The following MLLT10 variants were observed in gnomAD, a reference collection of about 807,000 sequenced individuals.
MLLT10 encodes the protein protein AF-10.
In MLLT10, 30 loss-of-function variants were observed where a neutral mutation model predicts 129.1. The ratio of observed to expected loss-of-function variants is 0.23; its 90% CI spans 0.17 to 0.32. MLLT10 has a LOEUF of 0.32. MLLT10 is among the 10% of genes least tolerant of loss of function. The pLI is 1.00. For missense variants in MLLT10, 1,119 were observed against 1,268.3 expected (o/e 0.88, Z 1.79); for synonymous variants, 490 against 446.4 (o/e 1.10, Z -1.23).
chr10:21,652,426 T>C (rs1726873262), intron 9 of MLLT10, among the ~76,000 whole-genome samples: 1 of 152,152 alleles, frequency 6.6e-6, no homozygotes, highest in Non-Finnish European at 1.5e-5. Context: ...AATTATATCA[T>C]TTGTAAAGTG....
chr10:21,607,362 C>T (rs1467871890), intron 5 of MLLT10, among the ~76,000 whole-genome samples: 5 of 147,020 alleles, frequency 3.4e-5, no homozygotes, highest in African/African-American at 1.3e-4. Context: ...CTCTTGTTGC[C>T]CAGGCTGGAG....
chr10:21,592,879 A>G (rs1387236206), intron 4 of MLLT10, among the ~76,000 whole-genome samples: 1 of 152,162 alleles, frequency 6.6e-6, no homozygotes, highest in Non-Finnish European at 1.5e-5. Flanking sequence ...GGTATTATCA[A>G]TTCAGATAAT....
chr10:21,583,064 G>C (rs1310872111), intron 3 of MLLT10, among the ~76,000 whole-genome samples: 1 of 152,172 alleles, frequency 6.6e-6, no homozygotes, highest in Non-Finnish European at 1.5e-5. Flanking sequence ...CAGCTCCTTG[G>C]GAGGCTGAGG....
intron 13 of MLLT10, among the ~76,000 whole-genome samples, chr10:21,683,037 A>G (rs2052906401): frequency 6.6e-6 from 1 of 152,076 alleles, no homozygotes; most frequent in African/African-American, 2.4e-5. Flanking sequence ...TTTTCAATAC[A>G]TTTTCATTAA....
intron 3 of MLLT10, among the ~76,000 whole-genome samples, chr10:21,577,418 C>G (rs2040883533): frequency 6.7e-6 from 1 of 150,124 alleles, no homozygotes; most frequent in African/African-American, 2.5e-5. Context: ...GAAAAACTGA[C>G]AGAGGCTGTA....
At chr10:21,724,179 AAAAC>A (rs1264657043) in intron 14 of MLLT10, among the ~76,000 whole-genome samples, 2 of 152,270 alleles carry the variant, frequency 1.3e-5, no homozygotes, top group African/African-American at 2.4e-5. Context: ...AATAAGAGGA[AAAAC>A]AAAACCCAGA....
intron 2 of MLLT10, among the ~76,000 whole-genome samples, chr10:21,538,154 A>C (rs898124134): frequency 7.5e-6 from 1 of 132,756 alleles, no homozygotes; most frequent in South Asian, 2.4e-4. Context: ...TGCCCAGCTA[A>C]TTTTTTTTTT....
intron 13 of MLLT10, among the ~76,000 whole-genome samples, chr10:21,710,356 A>C (rs2055958670): frequency 6.6e-6 from 1 of 152,228 alleles, no homozygotes; most frequent in South Asian, 2.1e-4. Context: ...TGCCCTGTTC[A>C]GAGCTCTGGT....
intron 21 of MLLT10, chr10:21,738,470 A>G (rs752126656): frequency 2.6e-5 from 33 of 1,288,914 alleles, no homozygotes; most frequent in South Asian, 7.4e-5. Context: ...TTGCTTGGAG[A>G]CCATGAGGAC....
intron 11 of MLLT10, among the ~76,000 whole-genome samples, chr10:21,674,447 C>T (rs950194159): frequency 9.9e-5 from 15 of 152,130 alleles, no homozygotes; most frequent in Non-Finnish European, 1.2e-4. Flanking sequence ...CCAGCAGTCA[C>T]ATTTTATTTC....
chr10:21,684,966 G>A (rs547803555), intron 13 of MLLT10, among the ~76,000 whole-genome samples: 1 of 152,078 alleles, frequency 6.6e-6, no homozygotes, highest in Admixed American at 6.5e-5. Context: ...AAAACTAAGT[G>A]TAGTTGCATT....
intron 3 of MLLT10, chr10:21,557,033 A>G (rs1278048253): frequency 1.4e-6 from 2 of 1,434,388 alleles, no homozygotes; most frequent in South Asian, 1.6e-5. Context: ...TCTTCAGTCT[A>G]TCCTGTTTAC....
At chr10:21,710,156 G>T (rs977827891) in intron 13 of MLLT10, among the ~76,000 whole-genome samples, 4 of 152,050 alleles carry the variant, frequency 2.6e-5, no homozygotes, top group African/African-American at 9.7e-5. Context: ...GTTATTTAGG[G>T]TTCTGTCTTT....
chr10:21,638,139 G>A (rs966026536), intron 8 of MLLT10, among the ~76,000 whole-genome samples: 4 of 151,510 alleles, frequency 2.6e-5, no homozygotes, highest in African/African-American at 9.7e-5. Context: ...ACTTATGGAT[G>A]GGTAAAGATA....
intron 9 of MLLT10, 29 bp from the exon 10 acceptor site, chr10:21,670,420 T>C (rs902859884): frequency 6.3e-7 from 1 of 1,577,436 alleles, no homozygotes; most frequent in East Asian, 2.2e-5. Flanking sequence ...TCAACTCTTT[T>C]TCCTTCCCTT....
At chr10:21,665,947 T>C (rs768310459) in intron 9 of MLLT10, among the ~76,000 whole-genome samples, 9 of 152,102 alleles carry the variant, frequency 5.9e-5, no homozygotes, top group Non-Finnish European at 1.2e-4. Flanking sequence ...CCTTAGTCGA[T>C]CTGCCTGACT....
intron 8 of MLLT10, among the ~76,000 whole-genome samples, chr10:21,629,146 C>T (rs776174342): frequency 1.3e-5 from 2 of 151,544 alleles, no homozygotes; most frequent in Non-Finnish European, 2.9e-5. Flanking sequence ...CTTTTGAGTG[C>T]CATGTGACAT....
At chr10:21,625,314 G>A (rs890088494) in intron 8 of MLLT10, 8 of 795,744 alleles carry the variant, frequency 1.0e-5, no homozygotes, top group Middle Eastern at 3.5e-4. Flanking sequence ...ACAGCTGCTC[G>A]TCTGTCTTCA....
intron 7 of MLLT10, 41 bp from the exon 8 acceptor site, chr10:21,617,071 T>C (rs1044996442): frequency 6.3e-6 from 6 of 948,796 alleles, no homozygotes; most frequent in Non-Finnish European, 7.3e-6. Context: ...TAAAAAGTTT[T>C]ATATACATAT....
Sources: gnomAD v4.1 joint callset for allele counts (sites outside exome capture counted in the v4.1 genomes callset) on GRCh38, gnomAD v4.1.1 for gene constraint, MANE v1.5 for transcripts, NCBI Gene and HGNC (gene_info 2026-07-23, HGNC 2026-07-21) for gene names.